ADAMTS17: variants seen among roughly 807,000 people sequenced by gnomAD.
ADAMTS17 encodes A disintegrin and metalloproteinase with thrombospondin motifs 17.
Under a neutral mutation model 141.5 loss-of-function variants are expected in ADAMTS17, and 113 were observed. That is an observed-to-expected ratio of 0.80 (90% CI 0.69 to 0.93). ADAMTS17 has a LOEUF of 0.93. Among genes scored for constraint, ADAMTS17 ranks in the 40% least tolerant of loss-of-function variants. ADAMTS17 has a pLI of 0.00. For missense variants in ADAMTS17, 1,659 were observed against 1,517.9 expected (o/e 1.09, Z -1.54); for synonymous variants, 768 against 630.6 (o/e 1.22, Z -3.27).
chr15:100,019,536 G>A (rs2061361463), intron 18 of ADAMTS17, among the ~76,000 whole-genome samples: 1 of 152,226 alleles, frequency 6.6e-6, no homozygotes, highest in Admixed American at 6.5e-5. Context: ...GCTGCAGTGA[G>A]TGGTTGAGAC....
At chr15:100,060,617 C>T (rs927063326) in intron 15 of ADAMTS17, among the ~76,000 whole-genome samples, 10 of 152,318 alleles carry the variant, frequency 6.6e-5, no homozygotes, top group Non-Finnish European at 8.8e-5. Context: ...AGTCTCTCTC[C>T]GTCCTAGCTT....
At chr15:100,098,292 A>T (rs958341771) in intron 14 of ADAMTS17, among the ~76,000 whole-genome samples, 17 of 151,454 alleles carry the variant, frequency 1.1e-4, no homozygotes, top group African/African-American at 3.9e-4. Flanking sequence ...AGCGCAGTGC[A>T]GGGCTGCCTA....
chr15:100,008,478 C>A (rs1359303806), intron 18 of ADAMTS17, among the ~76,000 whole-genome samples: 1 of 152,156 alleles, frequency 6.6e-6, no homozygotes, highest in African/African-American at 2.4e-5. Flanking sequence ...GAGGCAATAT[C>A]CAAGATGGGG....
At chr15:100,247,469 CG>C (rs1567424160) in intron 7 of ADAMTS17, among the ~76,000 whole-genome samples, 1 of 152,166 alleles carries the variant, frequency 6.6e-6, no homozygotes, top group African/African-American at 2.4e-5. Flanking sequence ...ACACAGAAAA[CG>C]CTGGCTCACT....
chr15:100,338,964 C>T, intron 2 of ADAMTS17: 1 of 985,514 alleles, frequency 1.0e-6, no homozygotes, highest in Non-Finnish European at 1.2e-6. Flanking sequence ...TCCAAGTCAC[C>T]CCACTGTCTC....
At chr15:100,144,420 G>A (rs972858505) in intron 10 of ADAMTS17, among the ~76,000 whole-genome samples, 2 of 152,030 alleles carry the variant, frequency 1.3e-5, no homozygotes, top group Non-Finnish European at 2.9e-5. Context: ...CGTGGTGGAA[G>A]GCACCTGTAA....
intron 18 of ADAMTS17, among the ~76,000 whole-genome samples, chr15:100,020,452 C>G (rs1422350118): frequency 6.6e-6 from 1 of 152,168 alleles, no homozygotes; most frequent in Non-Finnish European, 1.5e-5. Context: ...TGGCATGCAG[C>G]TTTACGAGCA....
chr15:100,156,958 A>C (rs542114132), intron 8 of ADAMTS17, among the ~76,000 whole-genome samples: 1 of 152,360 alleles, frequency 6.6e-6, no homozygotes, highest in African/African-American at 2.4e-5. Context: ...GCAATTTTTA[A>C]AGGAAAGAGG....
rs367748225 is a variant in ADAMTS17, at chr15:100,105,225, C to T, written c.2016+3764G>A. 8.6e-4 allele frequency among the ~76,000 whole-genome samples: 131 copies of T among 152,312 alleles called. 2 individuals are homozygous for T. The highest frequency in any genetic ancestry group is 3.0e-3 in the African/African-American group (125 of 41,568). On this transcript the variant is annotated intron_variant, in intron 14 of 21. Coordinates refer to ENST00000268070, the MANE Select transcript of ADAMTS17 (RefSeq NM_139057.4). Reference sequence around the variant, plus strand: ...GGGTGCAGCCACCCGGGAGATGGTGCTTTCGAGAATTGGTAGGCAGGGTCT... The same window carrying T: ...GGGTGCAGCCACCCGGGAGATGGTGTTTTCGAGAATTGGTAGGCAGGGTCT...
In ADAMTS17 at chr15:100,101,145, T is replaced by C. The variant is rs1399290502; in HGVS notation, c.2017-4669A>G. On this transcript the variant is annotated intron_variant, in intron 14 of 21. Coordinates refer to ENST00000268070, the MANE Select transcript of ADAMTS17 (RefSeq NM_139057.4). ...CCTCTTGCTTCCCTCTGCCTGGAGC[T>C]CTCTGCCCCCAACTCTCTGCCAGGC... Among the ~76,000 whole-genome samples, 6 of 152,276 alleles carry C rather than the reference T, an allele frequency of 3.9e-5. No homozygotes were observed. In the South Asian group the frequency reaches 1.0e-3, roughly 26 times the overall value.
At chr15:100,322,557 T>C (rs1182148328) in intron 3 of ADAMTS17, among the ~76,000 whole-genome samples, 1 of 152,176 alleles carries the variant, frequency 6.6e-6, no homozygotes, top group Non-Finnish European at 1.5e-5. Flanking sequence ...CATGAATAAC[T>C]TGGAAAATGT....
chr15:100,062,242 T>A (rs2033176917), intron 15 of ADAMTS17, among the ~76,000 whole-genome samples: 1 of 152,076 alleles, frequency 6.6e-6, no homozygotes, highest in Admixed American at 6.5e-5. Context: ...GTCAAGGTCT[T>A]ACCCTGGCAG....
intron 3 of ADAMTS17, among the ~76,000 whole-genome samples, chr15:100,322,961 C>A (rs2045775622): frequency 1.3e-5 from 2 of 151,882 alleles, no homozygotes; most frequent in South Asian, 4.1e-4. Flanking sequence ...GTGGCGGGCA[C>A]CTGTAGTCCC....
rs373083345 is a variant in ADAMTS17, at chr15:99,997,482, G to A, written c.2699C>T (p.Thr900Met). The change falls in exon 19 of 22, where the codon ACG (threonine) becomes ATG (methionine). Residue 900 changes from threonine (T) to methionine (M), a missense_variant. Coordinates refer to ENST00000268070, the MANE Select transcript of ADAMTS17 (RefSeq NM_139057.4). The surrounding 1 kb of genome is among the most constrained non-coding windows in gnomAD (Gnocchi z 4.7). ...GGGGCCCGGGCAGTAGAGGGGCCGCGTAGCGACGTGTGTGCCGTTCTGCAG... is the reference window on the plus strand; with the variant it reads ...GGGGCCCGGGCAGTAGAGGGGCCGCATAGCGACGTGTGTGCCGTTCTGCAG... The part of the protein sequence containing the change: ...YQLQNGTHVA[T>M]RPLYCPGPRP... 2.6e-5 allele frequency: 42 copies of A among 1,613,408 alleles called. No homozygotes were observed. The highest frequency in any genetic ancestry group is 5.0e-5 in the Admixed American group (3 of 59,996).
intron 4 of ADAMTS17, among the ~76,000 whole-genome samples, chr15:100,272,510 G>C (rs1370278973): frequency 6.7e-6 from 1 of 150,318 alleles, no homozygotes; most frequent in Non-Finnish European, 1.5e-5. Context: ...ATATAGAAAT[G>C]CAACTGATTT....
rs140830939 is a variant in ADAMTS17 at position 100,326,398 on chromosome 15, T to C, written c.616+4491A>G. On this transcript the variant is annotated intron_variant, in intron 3 of 21. Transcript: ENST00000268070. ...TGGGAGAGCTACGGTCTCAAAGAAG[T>C]GTAGAGGAACCAAATTTCAGAGGGA... 2.5e-4 allele frequency among the ~76,000 whole-genome samples: 38 copies of C among 152,088 alleles called. No homozygotes were observed. The East Asian group carries it at 4.5e-3, about 18-fold the overall frequency.
chr15:100,216,107 T>A (rs146574690), intron 7 of ADAMTS17, among the ~76,000 whole-genome samples: 1 of 152,358 alleles, frequency 6.6e-6, no homozygotes, highest in Non-Finnish European at 1.5e-5. Context: ...TGGGTGACTA[T>A]GGCAATTGTT....
intron 18 of ADAMTS17, among the ~76,000 whole-genome samples, chr15:100,047,512 G>C (rs561658729): frequency 6.6e-6 from 1 of 151,578 alleles, no homozygotes; most frequent in Non-Finnish European, 1.5e-5. Context: ...TTTGTACTCT[G>C]TCCCTTTATT....
chr15:99,973,989 C>T lies in ADAMTS17; in HGVS notation c.*413G>A, dbSNP rs12591971. The T allele has an allele frequency of 4.5e-5, 12 of 267,836 alleles. No homozygotes were observed. The highest frequency in any genetic ancestry group is 1.4e-3 in the Middle Eastern group (1 of 740). The allele number at this position is 267,836 out of a possible 1,614,324, so 16.6% of individuals were successfully genotyped here. On this transcript the variant is annotated 3_prime_UTR_variant, in exon 22 of 22. Coordinates refer to ENST00000268070, the MANE Select transcript of ADAMTS17 (RefSeq NM_139057.4). Reference sequence around the variant, plus strand: ...CTCCCTCCATGGTGTCGCCGGCTTTCAGAATAAAGCCTTTTCTAGCATGTC... The same window carrying T: ...CTCCCTCCATGGTGTCGCCGGCTTTTAGAATAAAGCCTTTTCTAGCATGTC...
Sources: gnomAD v4.1 joint callset for allele counts (sites outside exome capture counted in the v4.1 genomes callset) on GRCh38, gnomAD v4.1.1 for gene constraint, Gnocchi (gnomAD v3.1) non-coding constraint, MANE v1.5 for transcripts, NCBI Gene and HGNC (gene_info 2026-07-23, HGNC 2026-07-21) for gene names.